Variants in STAG1 observed in about 807,000 individuals in gnomAD.
STAG1 encodes the protein cohesin subunit SA-1.
Under a neutral mutation model 170.9 loss-of-function variants are expected in STAG1, and 26 were observed. The ratio of observed to expected loss-of-function variants is 0.15; its 90% confidence interval spans 0.11 to 0.21. STAG1 has a LOEUF of 0.21. Among genes scored for constraint, STAG1 ranks in the 10% least tolerant of loss-of-function variants. The pLI, the probability that STAG1 is intolerant of heterozygous loss-of-function variation, is 1.00. For synonymous variants in STAG1, 514 were observed against 497.7 expected (o/e 1.03, Z -0.44); for missense variants, 964 against 1,509.5 (o/e 0.64, Z 5.99).
At chr3:136,536,772 C>T (rs1312532125) in intron 6 of STAG1, among the ~76,000 whole-genome samples, 1 of 151,398 alleles carries the variant, frequency 6.6e-6, no homozygotes, top group Non-Finnish European at 1.5e-5. Flanking sequence ...TCCTGGCTTG[C>T]CATTTACCAG....
chr3:136,589,126 G>A (rs183551567), intron 4 of STAG1, among the ~76,000 whole-genome samples: 1 of 151,978 alleles, frequency 6.6e-6, no homozygotes, highest in East Asian at 2.0e-4. Flanking sequence ...CTTAACCTCA[G>A]GTGATCCGCC....
intron 9 of STAG1, among the ~76,000 whole-genome samples, chr3:136,496,392 T>C (rs1933096110): frequency 6.6e-6 from 1 of 152,210 alleles, no homozygotes; most frequent in Non-Finnish European, 1.5e-5. Flanking sequence ...AGATAGAGTT[T>C]ACTGTGGGTC....
intron 1 of STAG1, chr3:136,736,933 G>A (rs530867324): frequency 6.3e-7 from 1 of 1,592,216 alleles, no homozygotes; most frequent in Non-Finnish European, 8.6e-7. Flanking sequence ...CAACTTGTAA[G>A]CTTTGTCCAC....
In STAG1 at chr3:136,452,354, G is replaced by A. The variant is rs559370932; in HGVS notation, c.1314-207C>T. On this transcript the variant is annotated intron_variant, in intron 13 of 33. Coordinates refer to ENST00000383202, the MANE Select transcript of STAG1 (RefSeq NM_005862.3). ...CCGAGGCAGGTGGATCATGAGGTCAGGAGACTGAGACCATCCTGGCTAACA... is the reference window on the plus strand; with the variant it reads ...CCGAGGCAGGTGGATCATGAGGTCAAGAGACTGAGACCATCCTGGCTAACA... 2.6e-5 allele frequency among the ~76,000 whole-genome samples: 4 copies of A among 152,096 alleles called. No homozygotes were observed. The South Asian group carries it at 8.3e-4, about 32-fold the overall frequency.
intron 1 of STAG1, among the ~76,000 whole-genome samples, chr3:136,658,755 A>G (rs1941475577): frequency 1.3e-5 from 2 of 152,192 alleles, no homozygotes; most frequent in Admixed American, 1.3e-4. Flanking sequence ...TTAACTGTCA[A>G]AAGTAGTAGT....
chr3:136,695,510 T>TA (rs2107902100), intron 1 of STAG1, among the ~76,000 whole-genome samples: 1 of 151,892 alleles, frequency 6.6e-6, no homozygotes, highest in East Asian at 1.9e-4. Context: ...ATGGGGGAGT[T>TA]ACTTTCGCAT....
intron 4 of STAG1, among the ~76,000 whole-genome samples, chr3:136,599,358 C>T (rs1482559626): frequency 6.6e-6 from 1 of 151,902 alleles, no homozygotes; most frequent in Non-Finnish European, 1.5e-5. Context: ...TGGCAAAACC[C>T]TGTATCTACT....
intron 28 of STAG1, among the ~76,000 whole-genome samples, chr3:136,351,469 C>G (rs990773582): frequency 5.3e-5 from 8 of 152,074 alleles, no homozygotes; most frequent in African/African-American, 1.9e-4. Context: ...AAGCTATGCA[C>G]ATATCCTAAG....
chr3:136,415,017 C>T (rs1433182932), intron 21 of STAG1, among the ~76,000 whole-genome samples: 1 of 151,928 alleles, frequency 6.6e-6, no homozygotes, highest in Non-Finnish European at 1.5e-5. Flanking sequence ...TCATGGTGCC[C>T]CAAAACAATT....
chr3:136,663,904 C>T (rs1442985899), intron 1 of STAG1, among the ~76,000 whole-genome samples: 1 of 152,138 alleles, frequency 6.6e-6, no homozygotes, highest in East Asian at 1.9e-4. Context: ...GAAACTGCAG[C>T]AAAGATAGTG....
intron 13 of STAG1, among the ~76,000 whole-genome samples, chr3:136,458,465 C>A (rs2089180961): frequency 6.6e-6 from 1 of 152,110 alleles, no homozygotes; most frequent in Non-Finnish European, 1.5e-5. Flanking sequence ...CATAAAATAA[C>A]CTGTTTTAAC....
At chr3:136,611,658 C>CT (rs760493827) in intron 3 of STAG1, among the ~76,000 whole-genome samples, 1,043 of 72,594 alleles carry the variant, frequency 0.014, 101 homozygotes, top group African/African-American at 0.029. Context: ...CCACACCCAG[C>CT]TTTTTTTTTT....
chr3:136,570,566 A>G (rs1267647501), intron 4 of STAG1, among the ~76,000 whole-genome samples: 2 of 152,216 alleles, frequency 1.3e-5, no homozygotes, highest in Non-Finnish European at 2.9e-5. Context: ...CTGTTAACAC[A>G]CGTTACACAC....
intron 1 of STAG1, among the ~76,000 whole-genome samples, chr3:136,683,294 G>A (rs763230535): frequency 6.6e-6 from 1 of 151,346 alleles, no homozygotes; most frequent in Non-Finnish European, 1.5e-5. Context: ...GATGGAGTCT[G>A]GCTCTGTCTC....
intron 22 of STAG1, among the ~76,000 whole-genome samples, chr3:136,385,645 C>T (rs2086854032): frequency 1.3e-5 from 2 of 152,156 alleles, no homozygotes; most frequent in Admixed American, 1.3e-4. Context: ...TACATATACC[C>T]ATATATAAAA....
chr3:136,590,738 G>GAGTATAAA (rs1938122212), intron 4 of STAG1, among the ~76,000 whole-genome samples: 1 of 152,060 alleles, frequency 6.6e-6, no homozygotes, highest in East Asian at 1.9e-4. Context: ...ATCTCTAAAG[G>GAGTATAAA]GGTTCAATGA....
At chr3:136,662,927 T>C (rs1180098611) in intron 1 of STAG1, among the ~76,000 whole-genome samples, 1 of 152,086 alleles carries the variant, frequency 6.6e-6, no homozygotes, top group Non-Finnish European at 1.5e-5. Flanking sequence ...GGCAGGCGCC[T>C]GTAATCCCAG....
chr3:136,722,540 G>A (rs1472886553), intron 1 of STAG1, among the ~76,000 whole-genome samples: 1 of 152,132 alleles, frequency 6.6e-6, no homozygotes, highest in Non-Finnish European at 1.5e-5. Flanking sequence ...TATGAGGAAT[G>A]AGAAAAAACT....
chr3:136,581,147 A>C (rs1937583214), intron 4 of STAG1, among the ~76,000 whole-genome samples: 1 of 152,218 alleles, frequency 6.6e-6, no homozygotes, highest in Non-Finnish European at 1.5e-5. Context: ...CAGCAAGCCC[A>C]GACAAGAACA....
Sources: gnomAD v4.1 joint callset for allele counts (sites outside exome capture counted in the v4.1 genomes callset) on GRCh38, gnomAD v4.1.1 for gene constraint, MANE v1.5 for transcripts, NCBI Gene and HGNC (gene_info 2026-07-23, HGNC 2026-07-21) for gene names.